MAST4: variants seen among roughly 807,000 people sequenced by gnomAD.
MAST4 encodes microtubule associated serine/threonine kinase family member 4, also known as microtubule-associated serine/threonine-protein kinase 4.
Under a neutral mutation model 162.7 loss-of-function variants are expected in MAST4, and 89 were observed. That is an observed-to-expected ratio of 0.55 (90% confidence interval 0.46 to 0.65). The LOEUF is 0.65. Ranked by LOEUF, MAST4 falls within the 30% of genes least tolerant of loss-of-function variation. The probability of loss-of-function intolerance (pLI) is 0.00; values close to 1 mark genes in which losing one functional copy is unlikely to be tolerated. For missense variants in MAST4, 3,153 were observed against 3,374.0 expected (o/e 0.93, Z 1.62); for synonymous variants, 1,479 against 1,361.1 (o/e 1.09, Z -1.91).
intron 1 of MAST4, 26 bp downstream of exon 1, chr5:66,597,044 TC>T: frequency 7.1e-7 from 1 of 1,403,208 alleles, no homozygotes; most frequent in Non-Finnish European, 9.2e-7. Context: ...GCTTGCCCAC[TC>T]TGGGTTCCGG....
intron 4 of MAST4, among the ~76,000 whole-genome samples, chr5:67,000,176 A>G (rs544730583): frequency 1.9e-4 from 29 of 152,058 alleles, no homozygotes; most frequent in Non-Finnish European, 3.2e-4. Context: ...AGTCACTTCT[A>G]GGTGCCCTGA....
chr5:66,639,390 G>A (rs759673770), intron 1 of MAST4, among the ~76,000 whole-genome samples: 7 of 151,842 alleles, frequency 4.6e-5, no homozygotes, highest in East Asian at 3.9e-4. Context: ...AACACACACC[G>A]TGTTTTGTAC....
intron 4 of MAST4, among the ~76,000 whole-genome samples, chr5:66,985,660 C>A (rs1425224868): frequency 6.6e-6 from 1 of 151,820 alleles, no homozygotes; most frequent in Non-Finnish European, 1.5e-5. Context: ...AGGTAAGATA[C>A]GAGGTTGGGC....
chr5:66,848,372 C>T (rs1561378985), intron 3 of MAST4, among the ~76,000 whole-genome samples: 1 of 152,010 alleles, frequency 6.6e-6, no homozygotes, highest in Non-Finnish European at 1.5e-5. Flanking sequence ...TCATAAAATA[C>T]TAAGTTTTTT....
At chr5:66,682,158 GT>G (rs1426143968) in intron 1 of MAST4, among the ~76,000 whole-genome samples, 1 of 151,932 alleles carries the variant, frequency 6.6e-6, no homozygotes, top group Admixed American at 6.6e-5. Flanking sequence ...TCACATAGAA[GT>G]TATAAGGCTG....
intron 3 of MAST4, among the ~76,000 whole-genome samples, chr5:66,812,759 G>A (rs547563317): frequency 4.6e-5 from 7 of 152,094 alleles, no homozygotes; most frequent in Non-Finnish European, 8.8e-5. Context: ...TGTGTGCTGC[G>A]GGGCGCTGTC....
At chr5:66,919,660 G>GAAAAAAA (rs56802433) in intron 4 of MAST4, among the ~76,000 whole-genome samples, 5 of 96,906 alleles carry the variant, frequency 5.2e-5, no homozygotes, top group African/African-American at 1.1e-4. Context: ...CTCCGTCACA[G>GAAAAAAA]AAAAAAAAAA....
chr5:66,639,313 T>TGTGTGTGTGTGTGTGTGTGTG (rs1554037879), intron 1 of MAST4, among the ~76,000 whole-genome samples: 2 of 151,116 alleles, frequency 1.3e-5, no homozygotes, highest in African/African-American at 4.9e-5. Context: ...TGTGTGTGTG[T>TGTGTGTGTGTGTGTGTGTGTG]TTTAAGAAGA....
intron 6 of MAST4, among the ~76,000 whole-genome samples, chr5:67,090,960 C>A (rs1307739800): frequency 6.6e-6 from 1 of 151,788 alleles, no homozygotes. Context: ...CCTCCTCTGC[C>A]CAGGAAAAAC....
chr5:66,656,661 C>T (rs17210621), intron 1 of MAST4, among the ~76,000 whole-genome samples: 75,668 of 151,934 alleles, frequency 0.5, 19,208 homozygotes, highest in South Asian at 0.66. Flanking sequence ...AATGCAGAGA[C>T]AATTCTAAGG....
At chr5:67,033,345 G>GTGT (rs55919358) in intron 4 of MAST4, among the ~76,000 whole-genome samples, 2 of 123,584 alleles carry the variant, frequency 1.6e-5, no homozygotes, top group Non-Finnish European at 3.4e-5. Flanking sequence ...GTGTGTGTGT[G>GTGT]GCTTTTTTTT....
At chr5:66,747,908 GA>G (rs1177569754) in intron 1 of MAST4, among the ~76,000 whole-genome samples, 2 of 152,170 alleles carry the variant, frequency 1.3e-5, no homozygotes, top group Non-Finnish European at 2.9e-5. Context: ...GGGGTGGAGG[GA>G]AAATCACTAT....
chr5:66,747,500 T>C (rs1371240623), intron 1 of MAST4, among the ~76,000 whole-genome samples: 1 of 152,186 alleles, frequency 6.6e-6, no homozygotes, highest in Non-Finnish European at 1.5e-5. Context: ...TGAATTGCAG[T>C]GAACAGTTAA....
At chr5:66,769,619 A>G (rs1032462937) in intron 2 of MAST4, among the ~76,000 whole-genome samples, 2 of 152,244 alleles carry the variant, frequency 1.3e-5, no homozygotes, top group African/African-American at 4.8e-5. Context: ...AACACAATGT[A>G]TAACAAAATG....
intron 1 of MAST4, among the ~76,000 whole-genome samples, chr5:66,669,554 G>T (rs1747478341): frequency 1.3e-5 from 2 of 152,212 alleles, no homozygotes; most frequent in Admixed American, 1.3e-4. Flanking sequence ...AGTGGGAGAG[G>T]TAGGGAGCAA....
intron 4 of MAST4, among the ~76,000 whole-genome samples, chr5:66,953,129 C>T (rs1319579375): frequency 2.6e-5 from 4 of 152,198 alleles, no homozygotes; most frequent in Admixed American, 6.5e-5. Context: ...AGAGCACATA[C>T]ACATTCACCT....
intron 3 of MAST4, among the ~76,000 whole-genome samples, chr5:66,846,035 G>T (rs1246254564): frequency 1.3e-5 from 2 of 152,114 alleles, no homozygotes; most frequent in Non-Finnish European, 2.9e-5. Context: ...CTTGGAGGAG[G>T]TGCTGCTGTC....
chr5:66,954,416 G>A (rs1745053081), intron 4 of MAST4, among the ~76,000 whole-genome samples: 1 of 152,118 alleles, frequency 6.6e-6, no homozygotes, highest in Non-Finnish European at 1.5e-5. Flanking sequence ...TGAATTGGTG[G>A]TTTCTGCAAT....
chr5:66,884,467 A>G (rs1761908922), intron 3 of MAST4, among the ~76,000 whole-genome samples: 1 of 152,134 alleles, frequency 6.6e-6, no homozygotes, highest in Non-Finnish European at 1.5e-5. Context: ...TTCATATTGG[A>G]CTGTCATTCT....
Sources: allele counts gnomAD v4.1 joint callset (sites outside exome capture counted in the v4.1 genomes callset), GRCh38; gene constraint gnomAD v4.1.1; transcripts MANE v1.5; gene names NCBI Gene and HGNC (gene_info 2026-07-23, HGNC 2026-07-21).